PTPDC1: variants seen among roughly 807,000 people sequenced by gnomAD.
PTPDC1 encodes the protein protein tyrosine phosphatase domain containing 1.
PTPDC1 carries 53 observed loss-of-function variants against 75.3 expected under a neutral mutation model. That is an observed-to-expected ratio of 0.70 (90% CI 0.56 to 0.88). The LOEUF is 0.88. PTPDC1 is among the 40% of genes least tolerant of loss of function. PTPDC1 has a pLI of 0.00. For synonymous variants in PTPDC1, 349 were observed against 366.2 expected, an observed-to-expected ratio of 0.95 and a Z score of 0.54; for missense variants, 925 against 998.6, an observed-to-expected ratio of 0.93 and a Z score of 0.99.
chr9:94,058,881 C>A (rs929181210), intron 1 of PTPDC1, among the ~76,000 whole-genome samples: 1 of 151,710 alleles, frequency 6.6e-6, no homozygotes, highest in Non-Finnish European at 1.5e-5. Context: ...GTCCCAGCTA[C>A]TTGGGAGGCT....
intron 2 of PTPDC1, among the ~76,000 whole-genome samples, chr9:94,073,672 T>C (rs1159605301): frequency 1.3e-5 from 2 of 152,210 alleles, no homozygotes; most frequent in East Asian, 3.8e-4. Flanking sequence ...TTACTTAGGT[T>C]GAAATCTGTA....
chr9:94,069,514 T>C (rs900798578), intron 2 of PTPDC1, among the ~76,000 whole-genome samples: 1 of 152,010 alleles, frequency 6.6e-6, no homozygotes, highest in African/African-American at 2.4e-5. Context: ...ACTTTGGTAC[T>C]TCCAATTCTT....
intron 1 of PTPDC1, among the ~76,000 whole-genome samples, chr9:94,035,512 A>G (rs1434332593): frequency 6.6e-6 from 1 of 152,120 alleles, no homozygotes; most frequent in Non-Finnish European, 1.5e-5. Context: ...GTCAGAATGT[A>G]TTTCTTTTTT....
chr9:94,089,402 A>G (rs1394802446), intron 4 of PTPDC1, among the ~76,000 whole-genome samples: 1 of 144,954 alleles, frequency 6.9e-6, no homozygotes, highest in African/African-American at 2.6e-5. Flanking sequence ...TACAAAGGAC[A>G]TGAACTCATC....
chr9:94,098,068 C>T lies in PTPDC1; in HGVS notation c.1502C>T (p.Ala501Val), dbSNP rs750647298. 2 of 1,614,178 alleles carry T rather than the reference C, an allele frequency of 1.2e-6. No individual in the cohort carries two copies. Among genetic ancestry groups the T allele is most frequent in the Non-Finnish European group, 1.7e-6 (2 of 1,180,030 alleles). Reference protein sequence around the residue: ...QSPEPDLHKEALVRSTLSFWS... With the variant: ...QSPEPDLHKEVLVRSTLSFWS... ...CCAGAACCAGACTTACACAAGGAAG[C>T]CTTGGTTCGCAGCACACTTTCTTTC... The change falls in exon 6 of 9, where the codon GCC (alanine) becomes GTC (valine). Residue 501 changes from alanine (A) to valine (V), a missense_variant. Physicochemically the swap from Ala to Val is moderately conservative, Grantham distance 64. Transcript: ENST00000620992.
At chr9:94,041,314 G>C (rs894348921) in intron 1 of PTPDC1, among the ~76,000 whole-genome samples, 1 of 152,188 alleles carries the variant, frequency 6.6e-6, no homozygotes. Context: ...ATTTTCTTCT[G>C]TTCCATCTGA....
chr9:94,101,605 T>C lies in PTPDC1; in HGVS notation c.2053T>C (p.Cys685Arg). 5.0e-6 allele frequency: 8 copies of C among 1,613,580 alleles called. No homozygotes were observed. The highest frequency in any genetic ancestry group is 6.8e-6 in the Non-Finnish European group (8 of 1,179,684). Reference sequence around the variant, plus strand: ...CCGAGATGGAGCTTGGGAAAGAATATGTGGCGAGAGGGACCCTTTCATCCT... The same window carrying C: ...CCGAGATGGAGCTTGGGAAAGAATACGTGGCGAGAGGGACCCTTTCATCCT... ...NSRDGAWERI[C>R]GERDPFILCS... Residue 685 changes from cysteine to arginine, a missense_variant, in exon 7 of 9, where the codon TGT becomes CGT. Cys to Arg is a radical substitution (Grantham distance 180, BLOSUM62 -3). Transcript: ENST00000620992.
At chr9:94,043,530 T>C (rs1025246676) in intron 1 of PTPDC1, among the ~76,000 whole-genome samples, 1 of 152,122 alleles carries the variant, frequency 6.6e-6, no homozygotes, top group Non-Finnish European at 1.5e-5. Context: ...CACACCTAAA[T>C]TTCTGAAAAT....
intron 2 of PTPDC1, among the ~76,000 whole-genome samples, 185 bp from the exon 3 acceptor site, chr9:94,087,646 T>TAACA (rs1370689098): frequency 2.9e-4 from 44 of 152,362 alleles, no homozygotes; most frequent in Non-Finnish European, 5.9e-5. Context: ...CTTTTTGTAT[T>TAACA]GTTTTGATTT....
Position 94,088,175 on chromosome 9 carries a change from G to A in PTPDC1, c.528G>A (p.Gln176=). The A allele has an allele frequency of 1.2e-6, 2 of 1,613,778 alleles. No individual in the cohort carries two copies. Among genetic ancestry groups the A allele is most frequent in the South Asian group, 1.1e-5 (1 of 91,064 alleles). The change falls in exon 4 of 9, where the codon CAG becomes CAA. Residue 176 remains glutamine (Q), a synonymous_variant. Transcript: ENST00000620992. ...GCATAAAAACAATAATCAACCTCCA[G>A]CGCCCTGGTGAGCATGCTAGCTGTG... ...SHGIKTIINL[Q]RPGEHASCGN...
intron 1 of PTPDC1, among the ~76,000 whole-genome samples, chr9:94,063,802 C>T (rs1315045380): frequency 6.6e-6 from 1 of 152,052 alleles, no homozygotes; most frequent in African/African-American, 2.4e-5. Context: ...TTTATTGGTA[C>T]AAGAATTTCA....
At chr9:94,045,543 G>A (rs1204953887) in intron 1 of PTPDC1, among the ~76,000 whole-genome samples, 1 of 152,048 alleles carries the variant, frequency 6.6e-6, no homozygotes, top group Non-Finnish European at 1.5e-5. Context: ...ATTCTAACTG[G>A]TGTGAGATGG....
At chr9:94,080,998 T>C (rs1826865385), upstream of PTPDC1, among the ~76,000 whole-genome samples, 1 of 148,324 alleles carries the variant, frequency 6.7e-6, no homozygotes, top group South Asian at 2.1e-4. Context: ...CTTTTTCTTT[T>C]TTTTTTTTTT....
intron 4 of PTPDC1, 40 bp from the exon 5 acceptor site, chr9:94,095,277 T>C: frequency 1.3e-6 from 2 of 1,533,998 alleles, no homozygotes; most frequent in Non-Finnish European, 1.8e-6. Flanking sequence ...TTCATTAATT[T>C]CCTGTATGTT....
Position 94,098,266 on chromosome 9 carries a change from A to G in PTPDC1, c.1700A>G (p.Lys567Arg), listed in dbSNP as rs1208577432. The change falls in exon 6 of 9, where the codon AAG becomes AGG. Residue 567 changes from lysine (K) to arginine (R), a missense_variant. Transcript: ENST00000620992. ...PVSPSFANVHKDPNPAHQQVS... is the reference protein window; with the variant it reads ...PVSPSFANVHRDPNPAHQQVS... ...TCACCCAGCTTTGCAAATGTCCATA[A>G]GGATCCAAACCCTGCTCACCAGCAA... The G allele has an allele frequency of 6.2e-7, 1 of 1,614,086 alleles. No individual in the cohort carries two copies.
At chr9:94,106,379 G>A (rs1828024150) in intron 8 of PTPDC1, among the ~76,000 whole-genome samples, 2 of 152,232 alleles carry the variant, frequency 1.3e-5, no homozygotes, top group East Asian at 1.9e-4. Context: ...TTCCCTTCAG[G>A]GCAAAGGTTG....
intron 4 of PTPDC1, among the ~76,000 whole-genome samples, chr9:94,093,462 T>C (rs1365880344): frequency 6.8e-6 from 1 of 147,104 alleles, no homozygotes; most frequent in Non-Finnish European, 1.5e-5. Flanking sequence ...CCGCTGTTAG[T>C]CTGATGGGCT....
At chr9:94,074,145 CT>C (rs558824052) in intron 2 of PTPDC1, among the ~76,000 whole-genome samples, 116 of 152,216 alleles carry the variant, frequency 7.6e-4, no homozygotes, top group African/African-American at 2.7e-3. Flanking sequence ...ATTTTGGGTC[CT>C]TTTCTTTCTC....
chr9:94,102,220 A>G (rs991844854), intron 7 of PTPDC1, among the ~76,000 whole-genome samples: 1 of 152,164 alleles, frequency 6.6e-6, no homozygotes, highest in Non-Finnish European at 1.5e-5. Flanking sequence ...GTGAGCATGC[A>G]TATGGGAAAA....
Sources: gnomAD v4.1 joint callset for allele counts (sites outside exome capture counted in the v4.1 genomes callset) on GRCh38, gnomAD v4.1.1 for gene constraint, MANE v1.5 for transcripts, NCBI Gene and HGNC (gene_info 2026-07-23, HGNC 2026-07-21) for gene names.